The following FAF1 variants were observed in gnomAD, a reference collection of about 807,000 sequenced individuals.
FAF1 encodes the protein Fas associated factor 1.
A neutral mutation model predicts 92.5 loss-of-function variants in FAF1; 25 were observed. The ratio of observed to expected loss-of-function variants is 0.27; its 90% CI spans 0.20 to 0.38. The LOEUF is 0.38. Ranked by LOEUF, FAF1 falls within the 10% of genes least tolerant of loss-of-function variation. The pLI is 1.00. For synonymous variants in FAF1, 234 were observed against 273.2 expected, an observed-to-expected ratio of 0.86 and a Z score of 1.42; for missense variants, 636 against 793.3, an observed-to-expected ratio of 0.80 and a Z score of 2.38.
intron 6 of FAF1, among the ~76,000 whole-genome samples, chr1:50,719,243 C>T (rs1246626195): frequency 5.3e-5 from 8 of 152,222 alleles, no homozygotes. Context: ...GCTAAACTAA[C>T]ATATACTAAT....
At chr1:50,561,826 G>A (rs1649917261) in intron 13 of FAF1, among the ~76,000 whole-genome samples, 1 of 150,684 alleles carries the variant, frequency 6.6e-6, no homozygotes, top group African/African-American at 2.5e-5. Flanking sequence ...CGCCATCTAG[G>A]ACAGACGGAT....
In FAF1 at chr1:50,451,926, G is replaced by A. The variant is rs549179794; in HGVS notation, c.1870-10403C>T. On this transcript the variant is annotated intron_variant, in intron 18 of 18. Transcript: ENST00000396153. ...ATGGTCTCAAACTTGGCACACTGTCGGGGACACCCTGGGCACCAAACAAAA... is the reference window on the plus strand; with the variant it reads ...ATGGTCTCAAACTTGGCACACTGTCAGGGACACCCTGGGCACCAAACAAAA... 16 of 1,113,592 alleles carry A rather than the reference G, an allele frequency of 1.4e-5. No homozygotes were observed. The East Asian group carries it at 7.5e-4, about 52-fold the overall frequency. The allele number at this position is 1,113,592 out of a possible 1,614,324, so 69.0% of individuals were successfully genotyped here. A position where few individuals can be genotyped will look rare whatever the true frequency, so the allele number is the denominator to read the frequency against.
intron 6 of FAF1, among the ~76,000 whole-genome samples, chr1:50,729,148 C>T (rs1331150284): frequency 1.3e-5 from 2 of 150,318 alleles, no homozygotes; most frequent in South Asian, 2.1e-4. Flanking sequence ...CTGCGCCTCC[C>T]GGGTTCAAGT....
At chr1:50,863,722 T>C (rs990869809) in intron 1 of FAF1, among the ~76,000 whole-genome samples, 14 of 152,062 alleles carry the variant, frequency 9.2e-5, no homozygotes, top group African/African-American at 3.4e-4. Flanking sequence ...CCTCATAAAA[T>C]GAGTTAGGGA....
In FAF1 at chr1:50,638,454, T is replaced by G. The variant is rs868707297; in HGVS notation, c.744+16988A>C. Among the ~76,000 whole-genome samples the G allele has an allele frequency of 7.7e-3, 1,152 of 150,100 alleles. 14 individuals carry two copies. Among genetic ancestry groups the G allele is most frequent in the African/African-American group, 0.027 (1,113 of 40,978 alleles). ...TTTTCTTTTTCTTTTTCTTTTTTTT[T>G]TTTTTTTTGAGATGGAGTCACGCTC... On this transcript the variant is annotated intron_variant, in intron 8 of 18. Transcript: ENST00000396153.
intron 8 of FAF1, among the ~76,000 whole-genome samples, chr1:50,629,809 A>G (rs888873547): frequency 1.3e-5 from 2 of 152,176 alleles, no homozygotes; most frequent in African/African-American, 4.8e-5. Context: ...CTGTAATCCC[A>G]GCACTTTGGG....
At chr1:50,932,246 C>T (rs145192275) in intron 1 of FAF1, among the ~76,000 whole-genome samples, 23 of 152,272 alleles carry the variant, frequency 1.5e-4, no homozygotes, top group African/African-American at 5.5e-4. Context: ...AGCATTAACC[C>T]AAAAGTCCAC....
chr1:50,709,581 A>G (rs984237769), intron 6 of FAF1, among the ~76,000 whole-genome samples: 5 of 152,158 alleles, frequency 3.3e-5, no homozygotes, highest in African/African-American at 1.2e-4. Flanking sequence ...ATCAAGCTAC[A>G]AAGAGGTGGA....
chr1:50,454,544 C>T (rs1646329929), intron 18 of FAF1, among the ~76,000 whole-genome samples: 1 of 152,230 alleles, frequency 6.6e-6, no homozygotes, highest in Non-Finnish European at 1.5e-5. Flanking sequence ...CCTCATATGC[C>T]TATCCCATTA....
chr1:50,724,296 T>TACACACACACACACACAC (rs974347882), intron 6 of FAF1, among the ~76,000 whole-genome samples: 2 of 117,136 alleles, frequency 1.7e-5, no homozygotes, highest in African/African-American at 6.3e-5. Flanking sequence ...CACACACACA[T>TACACACACACACACACAC]ACACACACAC....
intron 15 of FAF1, 22 bp from the exon 16 acceptor site, chr1:50,491,823 ATTTTTTGACATATAAC>A: frequency 6.4e-7 from 1 of 1,563,550 alleles, no homozygotes; most frequent in Non-Finnish European, 8.7e-7. Context: ...AGATTCAAAT[ATTTTTTGACATATAAC>A]TTTTTTTTGA....
chr1:50,697,349 CT>C (rs1229476918), intron 7 of FAF1, among the ~76,000 whole-genome samples: 1 of 152,092 alleles, frequency 6.6e-6, no homozygotes, highest in Non-Finnish European at 1.5e-5. Context: ...AGGTGGGGGG[CT>C]GTACTATAGA....
intron 2 of FAF1, among the ~76,000 whole-genome samples, chr1:50,820,075 A>G (rs910028164): frequency 6.6e-6 from 1 of 151,756 alleles, no homozygotes; most frequent in Non-Finnish European, 1.5e-5. Flanking sequence ...TGAGGTACTT[A>G]AAGTAGTTGA....
chr1:50,859,913 G>A (rs1182003089), intron 1 of FAF1, among the ~76,000 whole-genome samples: 1 of 151,848 alleles, frequency 6.6e-6, no homozygotes, highest in Admixed American at 6.6e-5. Flanking sequence ...AACACTCATG[G>A]AACAGAATAG....
chr1:50,602,558 A>G (rs1362145719), intron 8 of FAF1, among the ~76,000 whole-genome samples: 5 of 145,482 alleles, frequency 3.4e-5, no homozygotes, highest in African/African-American at 1.3e-4. Flanking sequence ...GCTGGAGTGC[A>G]GTGGTGTGAT....
At chr1:50,734,494 G>A (rs1490547440) in intron 6 of FAF1, among the ~76,000 whole-genome samples, 2 of 152,070 alleles carry the variant, frequency 1.3e-5, no homozygotes, top group African/African-American at 2.4e-5. Context: ...CAGCACTTTG[G>A]GAAGCCGAGG....
At chr1:50,904,725 A>T (rs917388084) in intron 1 of FAF1, among the ~76,000 whole-genome samples, 1 of 152,136 alleles carries the variant, frequency 6.6e-6, no homozygotes, top group African/African-American at 2.4e-5. Context: ...AATGGTCCTA[A>T]ATAATAATGT....
At chr1:50,899,126 A>G (rs1387053406) in intron 1 of FAF1, among the ~76,000 whole-genome samples, 2 of 151,792 alleles carry the variant, frequency 1.3e-5, no homozygotes, top group Non-Finnish European at 2.9e-5. Flanking sequence ...GTTCACTAGT[A>G]TTTTTCCTCT....
intron 7 of FAF1, among the ~76,000 whole-genome samples, chr1:50,681,756 T>A (rs1419537950): frequency 6.6e-6 from 1 of 151,532 alleles, no homozygotes; most frequent in East Asian, 1.9e-4. Flanking sequence ...TGACCTCAGG[T>A]GATCCACCTG....
Sources: allele counts gnomAD v4.1 joint callset (sites outside exome capture counted in the v4.1 genomes callset), GRCh38; gene constraint gnomAD v4.1.1; transcripts MANE v1.5; gene names NCBI Gene and HGNC (gene_info 2026-07-23, HGNC 2026-07-21).